The following ARHGEF10 variants were observed in gnomAD, a reference collection of about 807,000 sequenced individuals.
The protein encoded by ARHGEF10 is Rho guanine nucleotide exchange factor (GEF) 10.
A neutral mutation model predicts 147.4 loss-of-function variants in ARHGEF10; 140 were observed. The observed-to-expected ratio is 0.95, with a 90% CI of 0.83 to 1.09. ARHGEF10 has a LOEUF of 1.09. ARHGEF10 is among the 50% of genes least tolerant of loss of function. The probability of loss-of-function intolerance (pLI) is 0.00; values close to 1 mark genes in which losing one functional copy is unlikely to be tolerated. For synonymous variants in ARHGEF10, 902 were observed against 695.8 expected, an observed-to-expected ratio of 1.30 and a Z score of -4.67; for missense variants, 2,222 against 1,752.7, an observed-to-expected ratio of 1.27 and a Z score of -4.78.
intron 27 of ARHGEF10, among the ~76,000 whole-genome samples, chr8:1,947,710 A>AGCATC (rs1358402615): frequency 1.2e-4 from 10 of 82,782 alleles, no homozygotes; most frequent in African/African-American, 4.6e-4. Flanking sequence ...CTCTCATCCC[A>AGCATC]GCATCCCACC....
chr8:1,857,589 T>C (rs542066610), intron 2 of ARHGEF10, among the ~76,000 whole-genome samples: 2 of 151,986 alleles, frequency 1.3e-5, no homozygotes, highest in Non-Finnish European at 2.9e-5. Context: ...CTGGCTAATT[T>C]TTTTATTTTT....
chr8:1,921,928 T>C (rs1345521130), intron 18 of ARHGEF10, among the ~76,000 whole-genome samples: 1 of 152,106 alleles, frequency 6.6e-6, no homozygotes, highest in African/African-American at 2.4e-5. Context: ...TTTTGGCTCC[T>C]TCTCTTACTG....
intron 28 of ARHGEF10, 127 bp from the exon 29 acceptor site, chr8:1,956,622 A>G: frequency 1.1e-6 from 1 of 929,386 alleles, no homozygotes; most frequent in Non-Finnish European, 1.7e-6. Flanking sequence ...CATGTATGCA[A>G]GTTACTTACA....
At position 1,898,232 on chromosome 8, in the gene ARHGEF10, C is replaced by G. The variant is rs560235537; in HGVS notation, c.1558-201C>G. On this transcript the variant is annotated intron_variant, in intron 14 of 28. Transcript: ENST00000349830. ...CTGAGGCCAACGTGTGAGGTCGGGC[C>G]CCTGCAGCAAAGCGGAAGCCCCTAG... 1.7e-3 allele frequency among the ~76,000 whole-genome samples: 258 copies of G among 152,290 alleles called. 1 individual carries two copies. Among genetic ancestry groups the G allele is most frequent in the African/African-American group, 5.9e-3 (247 of 41,560 alleles).
Position 1,859,960 on chromosome 8 carries a change from C to A in ARHGEF10, c.257C>A (p.Pro86Gln), listed in dbSNP as rs778761628. 1.7e-5 allele frequency: 27 copies of A among 1,614,172 alleles called. No homozygotes were observed. In the South Asian group the frequency reaches 2.9e-4, roughly 17 times the overall value. The change falls in exon 4 of 29, where the codon CCG becomes CAG. Residue 86 changes from proline to glutamine, a missense_variant. Coordinates refer to ENST00000349830, the MANE Select transcript of ARHGEF10 (RefSeq NM_014629.4). The stretch of plus-strand genomic sequence containing the variant: ...GCAGAGCCTACTAAGCTGGTGCTCC[C>A]GATGAAAGTCAACCCATATTCTGTC... The part of the protein sequence containing the change: ...PVAEPTKLVL[P>Q]MKVNPYSVID...
At chr8:1,847,348 A>T (rs1017678680) in intron 2 of ARHGEF10, among the ~76,000 whole-genome samples, 1 of 152,222 alleles carries the variant, frequency 6.6e-6, no homozygotes, top group Non-Finnish European at 1.5e-5. Flanking sequence ...CACTCAGCAA[A>T]TCCATTCAGA....
intron 7 of ARHGEF10, among the ~76,000 whole-genome samples, chr8:1,873,348 A>G (rs997222203): frequency 5.9e-5 from 9 of 152,342 alleles, no homozygotes; most frequent in Admixed American, 5.9e-4. Context: ...GTGTATGTTT[A>G]TAAGAACTCA....
intron 15 of ARHGEF10, among the ~76,000 whole-genome samples, chr8:1,902,240 A>G (rs1438235503): frequency 6.6e-6 from 1 of 151,922 alleles, no homozygotes; most frequent in Non-Finnish European, 1.5e-5. Context: ...ATTCTGAGAA[A>G]GAGTGTTTCA....
At chr8:1,874,317 C>T (rs1046804819) in intron 7 of ARHGEF10, among the ~76,000 whole-genome samples, 8 of 152,164 alleles carry the variant, frequency 5.3e-5, no homozygotes, top group South Asian at 4.1e-4. Flanking sequence ...TCCAAACGTG[C>T]CTGATCCTGT....
chr8:1,824,479 A>G (rs945030293), intron 1 of ARHGEF10, among the ~76,000 whole-genome samples: 2 of 151,920 alleles, frequency 1.3e-5, no homozygotes, highest in African/African-American at 2.4e-5. Context: ...GTAAAGGAGA[A>G]GAATGCGGTC....
intron 1 of ARHGEF10, among the ~76,000 whole-genome samples, chr8:1,832,729 CAG>C (rs761673482): frequency 0.05 from 931 of 18,454 alleles, 185 homozygotes; most frequent in African/African-American, 0.16. Context: ...CAGAGAGAGA[CAG>C]AGGCAGAGGC....
Position 1,882,753 on chromosome 8 carries a change from C to T in ARHGEF10, c.1075+4C>T, listed in dbSNP as rs1221631724. ...ACCAAGTCTCTCATCGCACAGGGTC[C>T]GTGCCTGCAGGTCTTCTTGCGGGGA... On this transcript the variant is annotated splice_donor_region_variant and intron_variant, in intron 10 of 28. Transcript: ENST00000349830. 12 of 1,422,336 alleles carry T rather than the reference C, an allele frequency of 8.4e-6. No homozygotes were observed. The highest frequency in any genetic ancestry group is 1.9e-4 in the Middle Eastern group (1 of 5,146). 88.1% of individuals were successfully genotyped at this position (1,422,336 alleles called of 1,614,324 possible).
chr8:1,853,776 G>A (rs1805332937), intron 2 of ARHGEF10, among the ~76,000 whole-genome samples: 1 of 152,250 alleles, frequency 6.6e-6, no homozygotes, highest in Non-Finnish European at 1.5e-5. Context: ...GTAGGTCACA[G>A]CCTTCCTTGC....
chr8:1,957,265 C>G lies in ARHGEF10; in HGVS notation c.*2C>G. The G allele has an allele frequency of 1.2e-6, 2 of 1,608,006 alleles. No individual in the cohort carries two copies. Among genetic ancestry groups the G allele is most frequent in the East Asian group, 4.5e-5 (2 of 44,758 alleles). On this transcript the variant is annotated 3_prime_UTR_variant, in exon 29 of 29. Coordinates refer to ENST00000349830, the MANE Select transcript of ARHGEF10 (RefSeq NM_014629.4). ...CAGATCCCTCTGCTGAATATATAAG[C>G]AGGACGGCCGCCTTCTGCTGTCAGA...
chr8:1,907,848 C>A (rs1303487654), intron 17 of ARHGEF10, among the ~76,000 whole-genome samples: 2 of 152,204 alleles, frequency 1.3e-5, no homozygotes, highest in African/African-American at 4.8e-5. Context: ...GATGAGAATG[C>A]ATTTTGTTTC....
At chr8:1,844,940 A>C (rs1010787449) in intron 2 of ARHGEF10, among the ~76,000 whole-genome samples, 4 of 152,144 alleles carry the variant, frequency 2.6e-5, no homozygotes, top group Non-Finnish European at 5.9e-5. Flanking sequence ...TAGTTGTAAT[A>C]GTTGTAATAA....
At position 1,850,108 on chromosome 8, in the gene ARHGEF10, G is replaced by A. The variant is rs1361109637; in HGVS notation, c.37+6672G>A. ...GCAAATGCTGAGGAGGGCGTGGGCCGGCTGCATGGACACAGAGGGCAAATG... is the reference window on the plus strand; with the variant it reads ...GCAAATGCTGAGGAGGGCGTGGGCCAGCTGCATGGACACAGAGGGCAAATG... On this transcript the variant is annotated intron_variant, in intron 2 of 28. Coordinates refer to ENST00000349830, the MANE Select transcript of ARHGEF10 (RefSeq NM_014629.4). Among the ~76,000 whole-genome samples the A allele has an allele frequency of 3.9e-4, 44 of 111,512 alleles. 1 individual carries two copies. Among genetic ancestry groups the A allele is most frequent in the Middle Eastern group, 6.2e-3 (1 of 162 alleles). The allele number at this position is 111,512 out of a possible 152,430, so 73.2% of individuals were successfully genotyped here.
At chr8:1,920,510 T>C (rs960445187) in intron 18 of ARHGEF10, among the ~76,000 whole-genome samples, 1 of 151,592 alleles carries the variant, frequency 6.6e-6, no homozygotes, top group Non-Finnish European at 1.5e-5. Context: ...AAACTCTATG[T>C]TTTTGGTTTT....
intron 11 of ARHGEF10, 115 bp downstream of exon 11, chr8:1,885,822 C>T (rs1370769052): frequency 2.4e-6 from 2 of 848,294 alleles, no homozygotes; most frequent in East Asian, 2.6e-5. Context: ...TCTGCATCCA[C>T]TCGGGCCCTC....
Sources: allele counts gnomAD v4.1 joint callset (sites outside exome capture counted in the v4.1 genomes callset), GRCh38; gene constraint gnomAD v4.1.1; transcripts MANE v1.5; gene names NCBI Gene and HGNC (gene_info 2026-07-23, HGNC 2026-07-21).